RAB11FIP1: variants seen among roughly 807,000 people sequenced by gnomAD.
RAB11FIP1 encodes the protein RAB11 family interacting protein 1, also known as rab11 family-interacting protein 1.
RAB11FIP1 carries 49 observed loss-of-function variants against 83.1 expected under a neutral mutation model. The ratio of observed to expected loss-of-function variants is 0.59; its 90% confidence interval spans 0.47 to 0.75. The LOEUF is 0.75. Among genes scored for constraint, RAB11FIP1 ranks in the 30% least tolerant of loss-of-function variants. The probability of loss-of-function intolerance (pLI) is 0.00; values close to 1 mark genes in which losing one functional copy is unlikely to be tolerated. For missense variants in RAB11FIP1, 1,536 were observed against 1,598.7 expected (o/e 0.96, Z 0.67); for synonymous variants, 670 against 656.0 (o/e 1.02, Z -0.33).
chr8:37,863,812 C>T (rs1309019403), intron 5 of RAB11FIP1, among the ~76,000 whole-genome samples: 2 of 152,174 alleles, frequency 1.3e-5, no homozygotes, highest in Non-Finnish European at 2.9e-5. Flanking sequence ...CATGGGAGGA[C>T]TCAGTTCTCC....
At chr8:37,863,562 C>A (rs1806284552) in intron 5 of RAB11FIP1, among the ~76,000 whole-genome samples, 1 of 152,128 alleles carries the variant, frequency 6.6e-6, no homozygotes, top group South Asian at 2.1e-4. Flanking sequence ...AATCCGTTTT[C>A]AATTTACAGT....
At position 37,899,367 on chromosome 8, in the gene RAB11FIP1, C is replaced by T. The variant is rs1322748519; in HGVS notation, c.75G>A (p.Leu25=). Residue 25 remains leucine, a synonymous_variant, in exon 1 of 6, where the codon CTG becomes CTA. Coordinates refer to ENST00000330843, the MANE Select transcript of RAB11FIP1 (RefSeq NM_001002814.3). The surrounding 1 kb of genome is among the most constrained non-coding windows in gnomAD (Gnocchi z 4.5). ...WSPTHVQVTV[L]QARGLRAKGP... ...CCTTGGCCCGCAGGCCCCGCGCCTGCAGCACCGTCACCTGCACGTGGGTTG... is the reference window on the plus strand; with the variant it reads ...CCTTGGCCCGCAGGCCCCGCGCCTGTAGCACCGTCACCTGCACGTGGGTTG... 4 of 1,604,984 alleles carry T rather than the reference C, an allele frequency of 2.5e-6. No homozygotes were observed. The highest frequency in any genetic ancestry group is 3.4e-6 in the Non-Finnish European group (4 of 1,176,728).
rs762862356 is a variant in RAB11FIP1, at chr8:37,871,238, A to G, written c.3524+40T>C. The G allele has an allele frequency of 3.9e-6, 6 of 1,549,064 alleles. No homozygotes were observed. The Admixed American group carries it at 1.2e-4, about 31-fold the overall frequency. On this transcript the variant is annotated intron_variant, in intron 4 of 5. Coordinates refer to ENST00000330843, the MANE Select transcript of RAB11FIP1 (RefSeq NM_001002814.3). ...CTGCAGGTAGGAAGCAAAGGGGGAC[A>G]TTGCTCACATTTACATAGACAATCT...
chr8:37,877,065 TA>T (rs1422432434), intron 2 of RAB11FIP1, 43 bp downstream of exon 2: 1 of 1,366,674 alleles, frequency 7.3e-7, no homozygotes, highest in Admixed American at 1.9e-5. Flanking sequence ...CGAAGCATGG[TA>T]AGAGGAAGAA....
chr8:37,899,284 G>A lies in RAB11FIP1; in HGVS notation c.158C>T (p.Ala53Val). 1 of 1,608,972 alleles carries A rather than the reference G, an allele frequency of 6.2e-7. No homozygotes were observed. The highest frequency in any genetic ancestry group is 8.5e-7 in the Non-Finnish European group (1 of 1,178,810). Residue 53 changes from alanine (A) to valine (V), a missense_variant, in exon 1 of 6, where the codon GCC (alanine) becomes GTC (valine). Transcript: ENST00000330843. The surrounding 1 kb of genome is among the most constrained non-coding windows in gnomAD (Gnocchi z 4.5). Reference sequence around the variant, plus strand: ...CAGGCTGCGCTCCGACACGGAGGTGGCGTACTTCTCCTTGCCCACCTGGAT... The same window carrying A: ...CAGGCTGCGCTCCGACACGGAGGTGACGTACTTCTCCTTGCCCACCTGGAT... The part of the protein sequence containing the change: ...AVIQVGKEKY[A>V]TSVSERSLGA...
intron 5 of RAB11FIP1, among the ~76,000 whole-genome samples, chr8:37,867,584 G>C (rs976882892): frequency 3.9e-5 from 6 of 152,122 alleles, no homozygotes; most frequent in Admixed American, 2.0e-4. Context: ...GTGCATGCCT[G>C]TAATCCCAGC....
intron 1 of RAB11FIP1, among the ~76,000 whole-genome samples, chr8:37,891,740 T>A (rs1806950848): frequency 6.6e-6 from 1 of 150,974 alleles, no homozygotes; most frequent in Non-Finnish European, 1.5e-5. Context: ...TACTTGAGAA[T>A]TTTTTTTTCA....
At chr8:37,889,557 C>T (rs1187883884) in intron 1 of RAB11FIP1, among the ~76,000 whole-genome samples, 4 of 152,178 alleles carry the variant, frequency 2.6e-5, no homozygotes, top group African/African-American at 9.7e-5. Flanking sequence ...TCCTCACATA[C>T]AGAGACTTTA....
At chr8:37,879,173 T>C (rs923215069) in intron 1 of RAB11FIP1, among the ~76,000 whole-genome samples, 1 of 152,046 alleles carries the variant, frequency 6.6e-6, no homozygotes, top group Non-Finnish European at 1.5e-5. Flanking sequence ...CCGGGCATCA[T>C]GGCGAGCACC....
chr8:37,875,138 A>G lies in RAB11FIP1; in HGVS notation c.999T>C (p.Gly333=). The change falls in exon 3 of 6, where the codon GGT becomes GGC. Residue 333 remains glycine, a synonymous_variant. Transcript: ENST00000330843. ...AGGACGGGCTGCTATCCTTGATCTC[A>G]CCCTTGGCTTCTGGCTGCTCCAGGT... ...HVYLEQPEAK[G]EIKDSSPSSS... 1 of 1,613,338 alleles carries G rather than the reference A, an allele frequency of 6.2e-7. No homozygotes were observed. Among genetic ancestry groups the G allele is most frequent in the Non-Finnish European group, 8.5e-7 (1 of 1,179,642 alleles).
At chr8:37,886,802 T>G (rs1806844721) in intron 1 of RAB11FIP1, among the ~76,000 whole-genome samples, 2 of 152,130 alleles carry the variant, frequency 1.3e-5, no homozygotes, top group Admixed American at 1.3e-4. Flanking sequence ...AAATAAAAAA[T>G]CAGGCTGCAA....
At chr8:37,890,975 C>G (rs1232074517) in intron 1 of RAB11FIP1, among the ~76,000 whole-genome samples, 4 of 152,140 alleles carry the variant, frequency 2.6e-5, no homozygotes, top group African/African-American at 9.7e-5. Context: ...GAACCACAAC[C>G]ACTGCCTCCC....
chr8:37,889,086 C>T (rs903119080), intron 1 of RAB11FIP1, among the ~76,000 whole-genome samples: 2 of 152,108 alleles, frequency 1.3e-5, no homozygotes, highest in Non-Finnish European at 1.5e-5. Flanking sequence ...CATGAGCCAC[C>T]GCGCCCGGCT....
intron 2 of RAB11FIP1, 22 bp from the exon 3 acceptor site, chr8:37,875,344 A>G (rs780408299): frequency 6.4e-7 from 1 of 1,572,636 alleles, no homozygotes; most frequent in Non-Finnish European, 8.7e-7. Context: ...AAAAGAACAG[A>G]AAGGGGATAA....
At position 37,874,525 on chromosome 8, in the gene RAB11FIP1, C is replaced by G. The variant is rs1806558100; in HGVS notation, c.1612G>C (p.Val538Leu). ...SSPRAPQTRA[V>L]KPRLEVSPEA... Reference sequence around the variant, plus strand: ...AGAGCCAAAACTCACCGGGGCTTGACAGCTCTGGTCTGGGGAGCCCTCGGA... The same window carrying G: ...AGAGCCAAAACTCACCGGGGCTTGAGAGCTCTGGTCTGGGGAGCCCTCGGA... The change falls in exon 3 of 6, where the codon GTC becomes CTC. Residue 538 changes from valine (V) to leucine (L), a missense_variant. Coordinates refer to ENST00000330843, the MANE Select transcript of RAB11FIP1 (RefSeq NM_001002814.3). 1.2e-6 allele frequency: 2 copies of G among 1,613,716 alleles called. No individual in the cohort carries two copies. Among genetic ancestry groups the G allele is most frequent in the Non-Finnish European group, 1.7e-6 (2 of 1,179,778 alleles).
chr8:37,880,362 G>A (rs534722878), intron 1 of RAB11FIP1, among the ~76,000 whole-genome samples: 10 of 152,144 alleles, frequency 6.6e-5, no homozygotes, highest in East Asian at 3.9e-4. Context: ...GCAATGGCGC[G>A]ATCTCGGCTC....
chr8:37,898,681 G>T (rs1242803327), intron 1 of RAB11FIP1, among the ~76,000 whole-genome samples: 1 of 151,412 alleles, frequency 6.6e-6, no homozygotes. Flanking sequence ...TTAGCCGGGC[G>T]TGGTGGTGCG....
rs990253669 is a variant in RAB11FIP1 at position 37,862,194 on chromosome 8, A to G, written c.*701T>C. On this transcript the variant is annotated 3_prime_UTR_variant, in exon 6 of 6. Coordinates refer to ENST00000330843, the MANE Select transcript of RAB11FIP1 (RefSeq NM_001002814.3). Reference sequence around the variant, plus strand: ...TTAATTCCTGAATTCTACTTTTCCTATCTCCAGTAGAAGGGCCCTGGATCT... The same window carrying G: ...TTAATTCCTGAATTCTACTTTTCCTGTCTCCAGTAGAAGGGCCCTGGATCT... The G allele has an allele frequency of 2.6e-5, 4 of 152,438 alleles. No homozygotes were observed. The highest frequency in any genetic ancestry group is 9.7e-5 in the African/African-American group (4 of 41,438). The allele number at this position is 152,438 out of a possible 1,614,324, so 9.4% of individuals were successfully genotyped here.
At chr8:37,894,220 A>G (rs1372008527) in intron 1 of RAB11FIP1, among the ~76,000 whole-genome samples, 1 of 152,216 alleles carries the variant, frequency 6.6e-6, no homozygotes, top group African/African-American at 2.4e-5. Context: ...TTCTTAGGAA[A>G]CCTAAAGGTA....
Sources: allele counts gnomAD v4.1 joint callset (sites outside exome capture counted in the v4.1 genomes callset), GRCh38; gene constraint gnomAD v4.1.1; non-coding constraint Gnocchi (gnomAD v3.1); transcripts MANE v1.5; gene names NCBI Gene and HGNC (gene_info 2026-07-23, HGNC 2026-07-21).